FGF14: variants seen among roughly 807,000 people sequenced by gnomAD.
FGF14 encodes the protein fibroblast growth factor homologous factor 4.
FGF14 carries 5 observed loss-of-function variants against 25.5 expected under a neutral mutation model. That is an observed-to-expected ratio of 0.20 (90% CI 0.10 to 0.41). FGF14 has a LOEUF of 0.41. FGF14 is among the 10% of genes least tolerant of loss of function. The probability of loss-of-function intolerance (pLI) is 1.00; values close to 1 mark genes in which losing one functional copy is unlikely to be tolerated. For missense variants in FGF14, 222 were observed against 320.1 expected (o/e 0.69, Z 2.34); for synonymous variants, 138 against 118.3 (o/e 1.17, Z -1.08).
At chr13:102,040,911 C>T (rs1490269271) in intron 1 of FGF14, among the ~76,000 whole-genome samples, 3 of 152,056 alleles carry the variant, frequency 2.0e-5, no homozygotes, top group African/African-American at 7.2e-5. Flanking sequence ...GTCTTAGCTA[C>T]CATATTTCTT....
At chr13:102,050,956 G>A (rs1430470355) in intron 1 of FGF14, among the ~76,000 whole-genome samples, 1 of 152,158 alleles carries the variant, frequency 6.6e-6, no homozygotes, top group Non-Finnish European at 1.5e-5. Flanking sequence ...CATTCTTGAT[G>A]GGGAACACCA....
At chr13:102,325,584 C>T (rs547946077) in intron 1 of FGF14, among the ~76,000 whole-genome samples, 26 of 149,744 alleles carry the variant, frequency 1.7e-4, no homozygotes, top group African/African-American at 6.3e-4. Context: ...ATGGGTAAGG[C>T]CCTTCCTTCC....
At chr13:102,339,163 C>T (rs1028977665) in intron 1 of FGF14, among the ~76,000 whole-genome samples, 50 of 151,816 alleles carry the variant, frequency 3.3e-4, no homozygotes, top group African/African-American at 8.4e-4. Flanking sequence ...AATTTCACAC[C>T]GCATGCCTGT....
chr13:101,922,522 A>G (rs1425338200), intron 1 of FGF14, among the ~76,000 whole-genome samples: 1 of 152,130 alleles, frequency 6.6e-6, no homozygotes, highest in Admixed American at 6.5e-5. Flanking sequence ...CCTCATTTTC[A>G]GATTGTTGAT....
rs71125020 is a variant in FGF14, at chr13:101,788,933, GAGAGAGAGAGAGAGAC to G, written c.409-62139_409-62124del. Among the ~76,000 whole-genome samples, 156 of 52,214 alleles carry G rather than the reference GAGAGAGAGAGAGAGAC, an allele frequency of 3.0e-3. 2 individuals are homozygous for G. Among genetic ancestry groups the G allele is most frequent in the Admixed American group, 4.5e-3 (17 of 3,786 alleles). The allele number at this position is 52,214 out of a possible 152,430, so 34.3% of individuals were successfully genotyped here. On this transcript the variant is annotated intron_variant, in intron 3 of 4. Transcript: ENST00000376143. ...ATAGAGAGAGAGAGAGAGAGAGAGA[GAGAGAGAGAGAGAGAC>G]AGAGAGAGAGAGAGAGAGAGACAGA...
At chr13:101,749,098 A>C (rs890074039) in intron 3 of FGF14, among the ~76,000 whole-genome samples, 3 of 152,120 alleles carry the variant, frequency 2.0e-5, no homozygotes, top group African/African-American at 7.2e-5. Context: ...ATATGAGGTA[A>C]CTAAAGTAGC....
intron 1 of FGF14, among the ~76,000 whole-genome samples, chr13:101,988,067 A>G (rs2038691682): frequency 6.6e-6 from 1 of 152,114 alleles, no homozygotes; most frequent in Non-Finnish European, 1.5e-5. Flanking sequence ...TGAAGTTTAT[A>G]CAGGAAAATA....
chr13:102,378,609 A>C (rs2058097196), intron 1 of FGF14, among the ~76,000 whole-genome samples: 2 of 131,090 alleles, frequency 1.5e-5, no homozygotes, highest in Non-Finnish European at 3.3e-5. Flanking sequence ...CTATCTATCT[A>C]TCTATCTATC....
chr13:102,264,102 G>A (rs1301826811), intron 1 of FGF14, among the ~76,000 whole-genome samples: 1 of 151,610 alleles, frequency 6.6e-6, no homozygotes, highest in Non-Finnish European at 1.5e-5. Context: ...TAAATTCGGG[G>A]AACCAATTTT....
At chr13:101,853,537 C>T (rs147409707) in intron 3 of FGF14, among the ~76,000 whole-genome samples, 144 of 152,112 alleles carry the variant, frequency 9.5e-4, no homozygotes, top group African/African-American at 3.4e-3. Context: ...ATTGTCACCT[C>T]CAAGTGCTGT....
At chr13:102,076,283 A>G (rs981859215) in intron 1 of FGF14, among the ~76,000 whole-genome samples, 2 of 152,160 alleles carry the variant, frequency 1.3e-5, no homozygotes, top group African/African-American at 4.8e-5. Flanking sequence ...CCATATTTTA[A>G]TGTACCTTTT....
chr13:102,024,129 TC>T (rs1223054009), intron 1 of FGF14, among the ~76,000 whole-genome samples: 1 of 152,098 alleles, frequency 6.6e-6, no homozygotes, highest in Non-Finnish European at 1.5e-5. Context: ...TAAAAAATTT[TC>T]TTAGGTATAT....
intron 3 of FGF14, among the ~76,000 whole-genome samples, chr13:101,800,838 T>G (rs1339244641): frequency 6.6e-6 from 1 of 152,178 alleles, no homozygotes; most frequent in African/African-American, 2.4e-5. Context: ...CTTTAAAAAG[T>G]GTGCAGCTGT....
chr13:102,039,060 T>C (rs58411597), intron 1 of FGF14, among the ~76,000 whole-genome samples: 6,559 of 152,136 alleles, frequency 0.043, 459 homozygotes, highest in African/African-American at 0.15. Context: ...TAGGGGAAAA[T>C]AGACTCAGGT....
chr13:102,271,883 T>C (rs2141164781), intron 1 of FGF14, among the ~76,000 whole-genome samples: 1 of 152,168 alleles, frequency 6.6e-6, no homozygotes, highest in East Asian at 1.9e-4. Flanking sequence ...ATGGGCCACG[T>C]TGGTAGCCTC....
In FGF14 at chr13:102,010,479, G is replaced by A. The variant is rs374184003; in HGVS notation, c.209-135183C>T. On this transcript the variant is annotated intron_variant, in intron 1 of 4. Transcript: ENST00000376131. ...CAGAATCGGATTCCTGTTCTATGAT[G>A]TAACCACTGAGAAAAAAAAGAAAGT... Among the ~76,000 whole-genome samples the A allele has an allele frequency of 4.6e-5, 7 of 152,050 alleles. No individual in the cohort carries two copies. The South Asian group carries it at 1.0e-3, about 23-fold the overall frequency.
chr13:102,330,935 T>C (rs1467430164), intron 1 of FGF14, among the ~76,000 whole-genome samples: 1 of 152,202 alleles, frequency 6.6e-6, no homozygotes, highest in Non-Finnish European at 1.5e-5. Flanking sequence ...AATAAATATG[T>C]GTTAAATAAA....
intron 1 of FGF14, among the ~76,000 whole-genome samples, chr13:102,286,433 C>T (rs955911797): frequency 1.3e-5 from 2 of 152,198 alleles, no homozygotes; most frequent in Non-Finnish European, 2.9e-5. Context: ...CACTCAGTCA[C>T]ATATTTCATT....
chr13:101,943,826 AAT>A (rs1206422692), intron 1 of FGF14, among the ~76,000 whole-genome samples: 1,795 of 126,772 alleles, frequency 0.014, 56 homozygotes, highest in African/African-American at 0.059. Flanking sequence ...AAAAAAAAAA[AAT>A]ATATATATAT....
Sources: gnomAD v4.1 joint callset for allele counts (sites outside exome capture counted in the v4.1 genomes callset) on GRCh38, gnomAD v4.1.1 for gene constraint, MANE v1.5 for transcripts, NCBI Gene and HGNC (gene_info 2026-07-23, HGNC 2026-07-21) for gene names.